MAP1B: variants seen among roughly 807,000 people sequenced by gnomAD.
The protein encoded by MAP1B is microtubule associated protein 1B.
In MAP1B, 12 loss-of-function variants were observed where a neutral mutation model predicts 176.1. The observed-to-expected ratio is 0.07, with a 90% CI of 0.04 to 0.11. MAP1B has a LOEUF of 0.11. MAP1B is among the 10% of genes least tolerant of loss of function. MAP1B has a pLI of 1.00. For synonymous variants in MAP1B, 1,044 were observed against 1,135.0 expected, an observed-to-expected ratio of 0.92 and a Z score of 1.61; for missense variants, 2,523 against 2,990.5, an observed-to-expected ratio of 0.84 and a Z score of 3.65.
chr5:72,177,051 C>T (rs1264921156), intron 2 of MAP1B, among the ~76,000 whole-genome samples: 3 of 152,136 alleles, frequency 2.0e-5, no homozygotes, highest in African/African-American at 4.8e-5. Flanking sequence ...TTTGGGGATC[C>T]GTGGAATTAG....
rs142825008 is a variant in MAP1B, at chr5:72,173,067, C to T, written c.287-10676C>T. On this transcript the variant is annotated intron_variant, in intron 2 of 6. Coordinates refer to ENST00000296755, the MANE Select transcript of MAP1B (RefSeq NM_005909.5). ...TGCAGACCGTTGGGCTGTTGCTCCA[C>T]TGCCCTGTGCCGCCTTTGCCTCCTG... Among the ~76,000 whole-genome samples the T allele has an allele frequency of 1.1e-4, 17 of 152,364 alleles. No individual in the cohort carries two copies. In the East Asian group the frequency reaches 2.7e-3, roughly 24 times the overall value.
rs80328391 is a variant in MAP1B at position 72,204,932 on chromosome 5, T to C, written c.7252-152T>C. On this transcript the variant is annotated intron_variant, in intron 6 of 6. Coordinates refer to ENST00000296755, the MANE Select transcript of MAP1B (RefSeq NM_005909.5). The surrounding 1 kb of genome is among the most constrained non-coding windows in gnomAD (Gnocchi z 4.4). ...TATTCTGGTTCCTGGAAAATATACA[T>C]TGAAAAATCCTTTGCATTTCTTGAG... 1,080 of 551,674 alleles carry C rather than the reference T, an allele frequency of 2.0e-3. 9 individuals are homozygous for C. Among genetic ancestry groups the C allele is most frequent in the African/African-American group, 0.019 (985 of 52,510 alleles). The allele number at this position is 551,674 out of a possible 1,614,324, so 34.2% of individuals were successfully genotyped here.
intron 1 of MAP1B, among the ~76,000 whole-genome samples, chr5:72,113,772 C>T (rs1254005912): frequency 6.6e-6 from 1 of 152,200 alleles, no homozygotes; most frequent in Non-Finnish European, 1.5e-5. Context: ...ACCAATTAAG[C>T]AGCTCAGACA....
At chr5:72,205,032 A>T in intron 6 of MAP1B, 52 bp from the exon 7 acceptor site, 2 of 1,495,688 alleles carry the variant, frequency 1.3e-6, no homozygotes, top group Admixed American at 2.1e-5. Context: ...TTTTTTTCAT[A>T]TGGTTTCTGT....
In MAP1B at chr5:72,194,289, A is replaced by G; in HGVS notation, c.934A>G (p.Ile312Val). The change falls in exon 5 of 7, where the codon ATT becomes GTT. Residue 312 changes from isoleucine (I) to valine (V), a missense_variant. Transcript: ENST00000296755. The surrounding 1 kb of genome is among the most constrained non-coding windows in gnomAD (Gnocchi z 7.2). ...DRVDSILLTH[I>V]GDDNLPGINS... ...AGTGGACTCCATCCTGCTCACCCAC[A>G]TTGGGGATGACAATTTGCCTGGAAT... 1.2e-6 allele frequency: 2 copies of G among 1,614,170 alleles called. No homozygotes were observed. Among genetic ancestry groups the G allele is most frequent in the Non-Finnish European group, 1.7e-6 (2 of 1,180,036 alleles).
chr5:72,110,502 C>T lies in MAP1B; in HGVS notation c.184+2787C>T, dbSNP rs187895212. Among the ~76,000 whole-genome samples the T allele has an allele frequency of 1.4e-4, 22 of 152,330 alleles. No individual in the cohort carries two copies. In the East Asian group the frequency reaches 3.5e-3, roughly 24 times the overall value. On this transcript the variant is annotated intron_variant, in intron 1 of 6. Coordinates refer to ENST00000296755, the MANE Select transcript of MAP1B (RefSeq NM_005909.5). ...CAGACAGTCTGAGATGACTTAGCAA[C>T]AGAGCAGGCTGGTCCTGTTTTCCTG... is the stretch of plus-strand genomic sequence containing the variant.
intron 2 of MAP1B, among the ~76,000 whole-genome samples, chr5:72,144,993 A>G (rs967081979): frequency 2.6e-5 from 4 of 152,152 alleles, no homozygotes; most frequent in East Asian, 1.9e-4. Context: ...ATCCCTGCCT[A>G]TCTCTGGTGC....
intron 2 of MAP1B, among the ~76,000 whole-genome samples, chr5:72,153,574 A>T (rs547737248): frequency 1.8e-4 from 28 of 152,004 alleles, no homozygotes; most frequent in African/African-American, 6.8e-4. Flanking sequence ...TCCTGGTGGG[A>T]CATCACAGAG....
At chr5:72,179,959 A>T (rs559005546) in intron 2 of MAP1B, 1 of 983,422 alleles carries the variant, frequency 1.0e-6, no homozygotes, top group African/African-American at 1.7e-5. Context: ...TGATGAAGCC[A>T]AAGAGGAAAG....
At chr5:72,154,822 C>A (rs555873394) in intron 2 of MAP1B, among the ~76,000 whole-genome samples, 3 of 152,318 alleles carry the variant, frequency 2.0e-5, no homozygotes, top group African/African-American at 2.4e-5. Context: ...TGCTGTGAAC[C>A]AGCATCCTGG....
chr5:72,115,767 G>T lies in MAP1B; in HGVS notation c.254G>T (p.Arg85Leu). Reference protein sequence around the residue: ...LDQELKLFVSRHSARFSPEVP... With the variant: ...LDQELKLFVSLHSARFSPEVP... The stretch of plus-strand genomic sequence containing the variant: ...CAAGAACTCAAACTTTTTGTATCTC[G>T]ACACTCTGCAAGATTCTCTCCTGAA... Residue 85 changes from arginine (R) to leucine (L), a missense_variant, in exon 2 of 7, where the codon CGA (arginine) becomes CTA (leucine). Arg to Leu is a moderately radical substitution (Grantham distance 102, BLOSUM62 -2). Coordinates refer to ENST00000296755, the MANE Select transcript of MAP1B (RefSeq NM_005909.5). 1 of 1,613,680 alleles carries T rather than the reference G, an allele frequency of 6.2e-7. No individual in the cohort carries two copies. Among genetic ancestry groups the T allele is most frequent in the South Asian group, 1.1e-5 (1 of 91,048 alleles).
At chr5:72,158,348 T>TATAC (rs1561301365) in intron 2 of MAP1B, among the ~76,000 whole-genome samples, 4 of 151,912 alleles carry the variant, frequency 2.6e-5, no homozygotes, top group African/African-American at 9.7e-5. Flanking sequence ...ATCTGATGTA[T>TATAC]TAGTAAGAGA....
At chr5:72,162,736 T>G (rs1175231652) in intron 2 of MAP1B, among the ~76,000 whole-genome samples, 2 of 152,156 alleles carry the variant, frequency 1.3e-5, no homozygotes, top group East Asian at 3.9e-4. Context: ...ACCATCATCA[T>G]TAAAAAAACA....
At chr5:72,124,029 G>C (rs1032247364) in intron 2 of MAP1B, among the ~76,000 whole-genome samples, 7 of 152,164 alleles carry the variant, frequency 4.6e-5, no homozygotes, top group Admixed American at 3.3e-4. Context: ...GGTGAAAATG[G>C]AGAGTATAAT....
At chr5:72,183,719 T>C in intron 2 of MAP1B, 24 bp from the exon 3 acceptor site, 1 of 1,601,410 alleles carries the variant, frequency 6.2e-7, no homozygotes, top group Non-Finnish European at 8.6e-7. Flanking sequence ...GTCTCCTCTT[T>C]TGTTTGTGTT....
At chr5:72,205,032 A>G in intron 6 of MAP1B, 52 bp from the exon 7 acceptor site, 3 of 1,495,702 alleles carry the variant, frequency 2.0e-6, no homozygotes, top group South Asian at 1.3e-5. Context: ...TTTTTTTCAT[A>G]TGGTTTCTGT....
chr5:72,164,311 G>A (rs1248761193), intron 2 of MAP1B, among the ~76,000 whole-genome samples: 2 of 152,108 alleles, frequency 1.3e-5, no homozygotes, highest in East Asian at 3.9e-4. Flanking sequence ...AGGAGGCATT[G>A]TTTCATAGTT....
At chr5:72,125,669 C>T (rs1745614747) in intron 2 of MAP1B, among the ~76,000 whole-genome samples, 1 of 151,982 alleles carries the variant, frequency 6.6e-6, no homozygotes, top group African/African-American at 2.4e-5. Context: ...TTTGTTCAGG[C>T]TATTTTAAAA....
At chr5:72,173,683 G>A (rs1746587693) in intron 2 of MAP1B, among the ~76,000 whole-genome samples, 1 of 152,028 alleles carries the variant, frequency 6.6e-6, no homozygotes, top group African/African-American at 2.4e-5. Context: ...TCAAATGCTG[G>A]GATTATTCTA....
Sources: gnomAD v4.1 joint callset for allele counts (sites outside exome capture counted in the v4.1 genomes callset) on GRCh38, gnomAD v4.1.1 for gene constraint, Gnocchi (gnomAD v3.1) non-coding constraint, MANE v1.5 for transcripts, NCBI Gene and HGNC (gene_info 2026-07-23, HGNC 2026-07-21) for gene names.